Variants in DTD1 observed in about 807,000 individuals in gnomAD.
DTD1 encodes D-tyrosyl-tRNA deacylase 1 homolog.
In DTD1, 13 loss-of-function variants were observed where a neutral mutation model predicts 25.6. That is an observed-to-expected ratio of 0.51 (90% CI 0.33 to 0.81). The LOEUF (loss-of-function observed/expected upper bound fraction) is 0.81. Among genes scored for constraint, DTD1 ranks in the 30% least tolerant of loss-of-function variants. The pLI is 0.02. For missense variants in DTD1, 193 were observed against 266.4 expected (o/e 0.72, Z 1.92); for synonymous variants, 110 against 103.6 (o/e 1.06, Z -0.37).
intron 4 of DTD1, among the ~76,000 whole-genome samples, chr20:18,743,831 C>T (rs539195245): frequency 2.4e-4 from 37 of 152,210 alleles, no homozygotes; most frequent in African/African-American, 7.0e-4. Context: ...GTGGCATGAC[C>T]GCTCCCTCAT....
chr20:18,757,195 A>G (rs1031980146), intron 5 of DTD1, among the ~76,000 whole-genome samples: 1 of 152,206 alleles, frequency 6.6e-6, no homozygotes, highest in Non-Finnish European at 1.5e-5. Flanking sequence ...TTTTCTAGAT[A>G]TACAATTCAT....
At chr20:18,673,879 A>T (rs983217240) in intron 4 of DTD1, among the ~76,000 whole-genome samples, 1 of 151,714 alleles carries the variant, frequency 6.6e-6, no homozygotes, top group Non-Finnish European at 1.5e-5. Flanking sequence ...ATGTTTCTCT[A>T]AAAAAATGAA....
intron 1 of DTD1, among the ~76,000 whole-genome samples, chr20:18,591,549 A>G (rs1013267947): frequency 6.6e-6 from 1 of 152,206 alleles, no homozygotes; most frequent in African/African-American, 2.4e-5. Context: ...TTGAAAACAA[A>G]TATGAATTAA....
intron 4 of DTD1, among the ~76,000 whole-genome samples, chr20:18,635,474 G>T (rs1302638911): frequency 6.6e-6 from 1 of 152,212 alleles, no homozygotes; most frequent in Admixed American, 6.5e-5. Context: ...CTGAGCACCT[G>T]CTTTCCATGA....
chr20:18,762,710 T>G (rs1029915615), intron 5 of DTD1, among the ~76,000 whole-genome samples: 2 of 152,234 alleles, frequency 1.3e-5, no homozygotes, highest in Non-Finnish European at 2.9e-5. Context: ...CTTTGATTCC[T>G]GATATTGATA....
At chr20:18,708,243 T>TTATATATATATTA (rs1568676718) in intron 4 of DTD1, among the ~76,000 whole-genome samples, 1 of 20,310 alleles carries the variant, frequency 4.9e-5, no homozygotes. Flanking sequence ...TATATATATA[T>TTATATATATATTA]AATATATATT....
intron 4 of DTD1, among the ~76,000 whole-genome samples, chr20:18,677,809 T>C (rs544877967): frequency 1.3e-5 from 2 of 152,304 alleles, no homozygotes; most frequent in East Asian, 3.9e-4. Context: ...CAAATACAAC[T>C]GCAAAGACAA....
intron 5 of DTD1, among the ~76,000 whole-genome samples, chr20:18,751,003 T>C (rs1232160136): frequency 4.6e-5 from 7 of 152,116 alleles, no homozygotes; most frequent in African/African-American, 1.4e-4. Flanking sequence ...AATGTGACCT[T>C]TGTCTGAATA....
intron 4 of DTD1, among the ~76,000 whole-genome samples, chr20:18,643,993 G>A (rs2060840633): frequency 6.6e-6 from 1 of 152,066 alleles, no homozygotes; most frequent in Non-Finnish European, 1.5e-5. Context: ...TACATATGCA[G>A]CTAGATCATT....
At chr20:18,672,116 C>T (rs1020279901) in intron 4 of DTD1, among the ~76,000 whole-genome samples, 1 of 152,102 alleles carries the variant, frequency 6.6e-6, no homozygotes, top group African/African-American at 2.4e-5. Flanking sequence ...TGCCTGTGGT[C>T]TCAGCTACTC....
chr20:18,744,589 T>A (rs1304569689), intron 5 of DTD1, among the ~76,000 whole-genome samples: 3 of 131,202 alleles, frequency 2.3e-5, no homozygotes, highest in African/African-American at 8.8e-5. Flanking sequence ...GGCAAGAGAG[T>A]ATAAGGGTCA....
chr20:18,738,534 G>GC (rs2061265394), intron 4 of DTD1, among the ~76,000 whole-genome samples: 1 of 152,202 alleles, frequency 6.6e-6, no homozygotes, highest in South Asian at 2.1e-4. Flanking sequence ...TTTGAGAGCT[G>GC]CACCATTCCG....
intron 4 of DTD1, among the ~76,000 whole-genome samples, chr20:18,699,953 G>A (rs1163561074): frequency 2.6e-5 from 4 of 152,122 alleles, no homozygotes; most frequent in Non-Finnish European, 5.9e-5. Context: ...AGTTACTGTT[G>A]GTAACATAGC....
chr20:18,684,836 G>A (rs551618379), intron 4 of DTD1, among the ~76,000 whole-genome samples: 1 of 151,960 alleles, frequency 6.6e-6, no homozygotes, highest in African/African-American at 2.4e-5. Flanking sequence ...AAAGTCGGAA[G>A]TTTCTCAAAT....
chr20:18,600,044 C>A (rs2060627453), intron 3 of DTD1, among the ~76,000 whole-genome samples: 7 of 152,080 alleles, frequency 4.6e-5, no homozygotes, highest in Admixed American at 4.6e-4. Context: ...TATTTTTTCT[C>A]AATCTGTGGC....
intron 4 of DTD1, among the ~76,000 whole-genome samples, chr20:18,680,536 C>T (rs1418028252): frequency 6.6e-6 from 1 of 151,668 alleles, no homozygotes; most frequent in Non-Finnish European, 1.5e-5. Context: ...GCCACTGTGC[C>T]TGGATTGAAC....
chr20:18,638,911 T>C (rs2060818579), intron 4 of DTD1, among the ~76,000 whole-genome samples: 1 of 152,170 alleles, frequency 6.6e-6, no homozygotes, highest in Non-Finnish European at 1.5e-5. Context: ...AGTAGAGCTT[T>C]TCTGTCAGTG....
At chr20:18,695,896 A>G (rs1053521549) in intron 4 of DTD1, among the ~76,000 whole-genome samples, 4 of 152,036 alleles carry the variant, frequency 2.6e-5, no homozygotes, top group African/African-American at 9.6e-5. Flanking sequence ...CAAGCTGGCC[A>G]TGGATTCCTG....
chr20:18,645,771 A>G (rs1321656434), intron 4 of DTD1, among the ~76,000 whole-genome samples: 8 of 152,234 alleles, frequency 5.3e-5, no homozygotes. Flanking sequence ...CAGCAACAAC[A>G]GGAACCACAA....
Sources: allele counts gnomAD v4.1 joint callset (sites outside exome capture counted in the v4.1 genomes callset), GRCh38; gene constraint gnomAD v4.1.1; transcripts MANE v1.5; gene names NCBI Gene and HGNC (gene_info 2026-07-23, HGNC 2026-07-21).